ALDH1A2: variants seen among roughly 807,000 people sequenced by gnomAD.
ALDH1A2 encodes the protein aldehyde dehydrogenase 1 family member A2, also known as retinal dehydrogenase 2.
ALDH1A2 carries 27 observed loss-of-function variants against 60.3 expected under a neutral mutation model. The ratio of observed to expected loss-of-function variants is 0.45; its 90% CI spans 0.33 to 0.62. ALDH1A2 has a LOEUF of 0.62. Among genes scored for constraint, ALDH1A2 ranks in the 20% least tolerant of loss-of-function variants. ALDH1A2 has a pLI of 0.02. For missense variants in ALDH1A2, 581 were observed against 643.8 expected, an observed-to-expected ratio of 0.90 and a Z score of 1.06; for synonymous variants, 289 against 232.4, an observed-to-expected ratio of 1.24 and a Z score of -2.21.
At chr15:58,021,681 G>A (rs550429436) in intron 1 of ALDH1A2, among the ~76,000 whole-genome samples, 8 of 152,348 alleles carry the variant, frequency 5.3e-5, no homozygotes, top group Admixed American at 1.3e-4. Flanking sequence ...GACAAACGTC[G>A]TGCTGTCCTG....
At chr15:57,966,497 C>T (rs1045863855) in intron 7 of ALDH1A2, among the ~76,000 whole-genome samples, 6 of 152,208 alleles carry the variant, frequency 3.9e-5, no homozygotes, top group East Asian at 1.9e-4. Flanking sequence ...CAAAGATCCA[C>T]CACTTAGAGC....
At chr15:58,001,958 A>G (rs1895289623) in intron 4 of ALDH1A2, among the ~76,000 whole-genome samples, 2 of 151,896 alleles carry the variant, frequency 1.3e-5, no homozygotes, top group South Asian at 4.1e-4. Context: ...AGATCAAAAC[A>G]AATACTAAGT....
chr15:58,023,658 G>GA lies in ALDH1A2; in HGVS notation c.118-9378dup, dbSNP rs57467358. Among the ~76,000 whole-genome samples, 464 of 129,396 alleles carry GA rather than the reference G, an allele frequency of 3.6e-3. 13 individuals are homozygous for GA. Among genetic ancestry groups the GA allele is most frequent in the East Asian group, 1.9e-3 (9 of 4,662 alleles). 84.9% of individuals were successfully genotyped at this position (129,396 alleles called of 152,430 possible). The stretch of plus-strand genomic sequence containing the variant: ...TGAGATGGTATATTCAAAGTGCTGG[G>GA]AAAAAAAAAAAAGGAACTGCCAACC... On this transcript the variant is annotated intron_variant, in intron 1 of 12. Coordinates refer to ENST00000249750, the MANE Select transcript of ALDH1A2 (RefSeq NM_003888.4).
chr15:57,978,601 C>T (rs777567380), intron 7 of ALDH1A2, among the ~76,000 whole-genome samples: 1 of 151,918 alleles, frequency 6.6e-6, no homozygotes. Flanking sequence ...GTTTGGTCCA[C>T]AGTCATATTT....
chr15:58,045,481 C>T (rs1026141854), intron 1 of ALDH1A2, among the ~76,000 whole-genome samples: 16 of 152,104 alleles, frequency 1.1e-4, no homozygotes, highest in Admixed American at 3.3e-4. Flanking sequence ...ATAGCAAAGA[C>T]TTGGAACCAA....
intron 11 of ALDH1A2, 72 bp downstream of exon 11, chr15:57,961,065 A>G (rs907587687): frequency 3.9e-5 from 62 of 1,584,126 alleles, no homozygotes; most frequent in Non-Finnish European, 5.4e-5. Context: ...CCTTCCAAGG[A>G]GATACTTGTT....
chr15:58,011,257 G>C (rs529990878), intron 3 of ALDH1A2, among the ~76,000 whole-genome samples: 1 of 152,138 alleles, frequency 6.6e-6, no homozygotes, highest in Non-Finnish European at 1.5e-5. Context: ...TGCACAGCAA[G>C]TTTATTTATT....
intron 7 of ALDH1A2, among the ~76,000 whole-genome samples, chr15:57,982,832 T>C (rs927292877): frequency 6.6e-6 from 1 of 152,144 alleles, no homozygotes; most frequent in Non-Finnish European, 1.5e-5. Context: ...TGGTACCCCC[T>C]GACTATTAAC....
chr15:57,973,782 A>C (rs570844903), intron 7 of ALDH1A2, among the ~76,000 whole-genome samples: 1 of 152,216 alleles, frequency 6.6e-6, no homozygotes, highest in Non-Finnish European at 1.5e-5. Context: ...TTCCCCTCCA[A>C]ATGAATGTAA....
chr15:58,014,298 C>T lies in ALDH1A2; in HGVS notation c.118-17G>A. 1 of 1,596,980 alleles carries T rather than the reference C, an allele frequency of 6.3e-7. No homozygotes were observed. Among genetic ancestry groups the T allele is most frequent in the Non-Finnish European group, 8.6e-7 (1 of 1,164,560 alleles). On this transcript the variant is annotated splice_polypyrimidine_tract_variant and intron_variant, in intron 1 of 12. Transcript: ENST00000249750. ...TATAAAGATCTAAGGGAGTAGATAACAGAATGGGATCTGTGACACAGGTGA... is the reference window on the plus strand; with the variant it reads ...TATAAAGATCTAAGGGAGTAGATAATAGAATGGGATCTGTGACACAGGTGA...
chr15:57,964,818 G>A (rs1481142539), intron 8 of ALDH1A2: 4 of 152,418 alleles, frequency 2.6e-5, no homozygotes, highest in Admixed American at 2.0e-4. Context: ...ATCAGTCAAT[G>A]TTAGGGAGAT....
chr15:58,012,551 G>C (rs1895663285), intron 3 of ALDH1A2, among the ~76,000 whole-genome samples: 1 of 152,144 alleles, frequency 6.6e-6, no homozygotes, highest in African/African-American at 2.4e-5. Flanking sequence ...AGTGTCTTGT[G>C]AATCTGCAAG....
intron 1 of ALDH1A2, among the ~76,000 whole-genome samples, chr15:58,032,974 C>G (rs1896283662): frequency 6.6e-6 from 1 of 151,864 alleles, no homozygotes; most frequent in Non-Finnish European, 1.5e-5. Context: ...AAAATATGAA[C>G]ACATAGCGGT....
At chr15:57,974,864 C>T (rs1326141899) in intron 7 of ALDH1A2, among the ~76,000 whole-genome samples, 2 of 152,302 alleles carry the variant, frequency 1.3e-5, no homozygotes, top group Middle Eastern at 3.4e-3. Flanking sequence ...TAACAATTTT[C>T]ATAATTCAAC....
rs547328705 is a variant in ALDH1A2 at position 58,052,542 on chromosome 15, T to G, written c.117+12992A>C. On this transcript the variant is annotated intron_variant, in intron 1 of 12. Coordinates refer to ENST00000249750, the MANE Select transcript of ALDH1A2 (RefSeq NM_003888.4). ...GTGCAGTGGCGCAATCTCGGCTCAG[T>G]GCAACCTCTGCTTCCTGTTACCAGG... Among the ~76,000 whole-genome samples the G allele has an allele frequency of 4.6e-5, 7 of 152,252 alleles. No individual in the cohort carries two copies. The East Asian group carries it at 1.4e-3, about 29-fold the overall frequency.
At chr15:58,054,322 G>A (rs1896844748) in intron 1 of ALDH1A2, among the ~76,000 whole-genome samples, 1 of 152,166 alleles carries the variant, frequency 6.6e-6, no homozygotes, top group African/African-American at 2.4e-5. Flanking sequence ...GAAATCTGGA[G>A]ATTGCAAGAT....
intron 1 of ALDH1A2, among the ~76,000 whole-genome samples, chr15:58,023,358 A>T (rs1895985419): frequency 6.6e-6 from 1 of 152,232 alleles, no homozygotes; most frequent in South Asian, 2.1e-4. Flanking sequence ...CAAATTTACA[A>T]ATTATTAGTA....
intron 4 of ALDH1A2, among the ~76,000 whole-genome samples, chr15:58,004,130 A>G (rs1407526597): frequency 2.0e-5 from 3 of 151,804 alleles, no homozygotes; most frequent in South Asian, 2.1e-4. Flanking sequence ...TCATGAGATA[A>G]CCCTTTTGTC....
intron 1 of ALDH1A2, among the ~76,000 whole-genome samples, chr15:58,016,395 C>A (rs1566949918): frequency 6.6e-6 from 1 of 152,082 alleles, no homozygotes; most frequent in Non-Finnish European, 1.5e-5. Context: ...CTGCCTGCCT[C>A]CCAAAGTGCT....
Sources: gnomAD v4.1 joint callset for allele counts (sites outside exome capture counted in the v4.1 genomes callset) on GRCh38, gnomAD v4.1.1 for gene constraint, MANE v1.5 for transcripts, NCBI Gene and HGNC (gene_info 2026-07-23, HGNC 2026-07-21) for gene names.